The following SLIT3 variants were observed in gnomAD, a reference collection of about 807,000 sequenced individuals.
SLIT3 encodes slit guidance ligand 3.
SLIT3 carries 68 observed loss-of-function variants against 184.0 expected under a neutral mutation model. The ratio of observed to expected loss-of-function variants is 0.37; its 90% CI spans 0.30 to 0.45. SLIT3 has a LOEUF of 0.45. SLIT3 is among the 20% of genes least tolerant of loss of function. The probability of loss-of-function intolerance (pLI) is 1.00; values close to 1 mark genes in which losing one functional copy is unlikely to be tolerated. For missense variants in SLIT3, 1,707 were observed against 2,026.0 expected (o/e 0.84, Z 3.02); for synonymous variants, 831 against 828.6 (o/e 1.00, Z -0.05).
At chr5:169,121,877 A>AT (rs1228630870) in intron 4 of SLIT3, among the ~76,000 whole-genome samples, 2 of 152,324 alleles carry the variant, frequency 1.3e-5, no homozygotes, top group Admixed American at 1.3e-4. Flanking sequence ...GCTGCTGTGA[A>AT]TTCCAGTTTA....
At chr5:169,001,363 G>A (rs1202259635) in intron 4 of SLIT3, among the ~76,000 whole-genome samples, 3 of 152,048 alleles carry the variant, frequency 2.0e-5, no homozygotes, top group Non-Finnish European at 2.9e-5. Context: ...TTCACTTTCT[G>A]CTTGAAATGA....
At chr5:168,927,767 C>G (rs1043142389) in intron 4 of SLIT3, among the ~76,000 whole-genome samples, 2 of 152,222 alleles carry the variant, frequency 1.3e-5, no homozygotes, top group African/African-American at 4.8e-5. Flanking sequence ...CACATATGTC[C>G]TTGACCATTG....
At chr5:168,729,632 A>G (rs1002478024) in intron 20 of SLIT3, among the ~76,000 whole-genome samples, 4 of 152,156 alleles carry the variant, frequency 2.6e-5, no homozygotes, top group African/African-American at 9.6e-5. Context: ...CCTATAGGAA[A>G]TGTTCAATGA....
At chr5:168,921,836 A>C (rs1386341277) in intron 4 of SLIT3, among the ~76,000 whole-genome samples, 1 of 152,334 alleles carries the variant, frequency 6.6e-6, no homozygotes, top group African/African-American at 2.4e-5. Context: ...AATTAGAACA[A>C]AAAGGCTAAC....
intron 3 of SLIT3, among the ~76,000 whole-genome samples, chr5:169,205,478 T>G (rs1446671894): frequency 6.6e-6 from 1 of 152,240 alleles, no homozygotes; most frequent in Non-Finnish European, 1.5e-5. Context: ...AGGATATCCA[T>G]TCAAATGTGT....
chr5:169,064,936 C>T (rs771814038), intron 4 of SLIT3, among the ~76,000 whole-genome samples: 1 of 152,166 alleles, frequency 6.6e-6, no homozygotes, highest in Admixed American at 6.5e-5. Context: ...AACTAGAACC[C>T]AGCCTAATTG....
intron 4 of SLIT3, among the ~76,000 whole-genome samples, chr5:168,968,560 G>A (rs1372891064): frequency 6.6e-6 from 1 of 152,188 alleles, no homozygotes; most frequent in East Asian, 1.9e-4. Context: ...GAAAGCACCT[G>A]TCTTCAAGGA....
chr5:169,217,960 A>G (rs1764500666), intron 3 of SLIT3, among the ~76,000 whole-genome samples: 1 of 152,212 alleles, frequency 6.6e-6, no homozygotes, highest in Non-Finnish European at 1.5e-5. Context: ...AGAAAGCAAG[A>G]CCTTTCACAG....
chr5:168,975,265 C>T (rs1187465296), intron 4 of SLIT3, among the ~76,000 whole-genome samples: 1 of 152,186 alleles, frequency 6.6e-6, no homozygotes, highest in Non-Finnish European at 1.5e-5. Context: ...CCACCGGGCT[C>T]TCCAGAGCAT....
chr5:168,794,149 G>A (rs181858781), intron 10 of SLIT3, among the ~76,000 whole-genome samples: 173 of 152,258 alleles, frequency 1.1e-3, no homozygotes, highest in African/African-American at 3.6e-3. Context: ...CCTCCCACTC[G>A]AGGGAAAGCA....
chr5:169,269,901 ATTCTC>A (rs926364378), intron 1 of SLIT3, among the ~76,000 whole-genome samples: 1 of 152,218 alleles, frequency 6.6e-6, no homozygotes, highest in African/African-American at 2.4e-5. Flanking sequence ...GGAGGAAACA[ATTCTC>A]TTCTCAGTTT....
At chr5:168,868,964 T>C (rs1272834816) in intron 5 of SLIT3, among the ~76,000 whole-genome samples, 3 of 151,954 alleles carry the variant, frequency 2.0e-5, no homozygotes, top group Non-Finnish European at 4.4e-5. Context: ...TGGCCACATA[T>C]CAATGGGACT....
chr5:168,981,821 C>G (rs954822537), intron 4 of SLIT3, among the ~76,000 whole-genome samples: 1 of 152,120 alleles, frequency 6.6e-6, no homozygotes, highest in Non-Finnish European at 1.5e-5. Context: ...ATCTGGTTTC[C>G]CAAGAAACTT....
At chr5:168,695,024 G>A (rs913955789) in intron 28 of SLIT3, among the ~76,000 whole-genome samples, 2 of 152,192 alleles carry the variant, frequency 1.3e-5, no homozygotes, top group Non-Finnish European at 2.9e-5. Context: ...GTGGTGGTAC[G>A]TTCCTACAGT....
At chr5:168,943,642 G>A (rs1176728124) in intron 4 of SLIT3, among the ~76,000 whole-genome samples, 1 of 151,984 alleles carries the variant, frequency 6.6e-6, no homozygotes, top group African/African-American at 2.4e-5. Context: ...ATATGAAAGT[G>A]CTTTGTAAAG....
At chr5:169,276,782 G>T (rs1438175562) in intron 1 of SLIT3, among the ~76,000 whole-genome samples, 2 of 152,180 alleles carry the variant, frequency 1.3e-5, no homozygotes, top group East Asian at 3.8e-4. Flanking sequence ...ACTATAGGCT[G>T]GGCTGTGCGC....
intron 3 of SLIT3, among the ~76,000 whole-genome samples, chr5:169,223,575 C>G (rs992870944): frequency 6.6e-6 from 1 of 152,158 alleles, no homozygotes; most frequent in Non-Finnish European, 1.5e-5. Context: ...CCTGGGTGAT[C>G]TGAGGGTCAG....
At chr5:168,990,862 A>G (rs549253411) in intron 4 of SLIT3, among the ~76,000 whole-genome samples, 3 of 152,332 alleles carry the variant, frequency 2.0e-5, no homozygotes, top group African/African-American at 7.2e-5. Flanking sequence ...TCCTTGGAGA[A>G]TGCCACACGA....
At chr5:168,758,743 C>T (rs1755037955) in intron 16 of SLIT3, among the ~76,000 whole-genome samples, 1 of 152,166 alleles carries the variant, frequency 6.6e-6, no homozygotes, top group South Asian at 2.1e-4. Context: ...AGATGCTGCC[C>T]AGGGCCTAGA....
Sources: allele counts gnomAD v4.1 joint callset (sites outside exome capture counted in the v4.1 genomes callset), GRCh38; gene constraint gnomAD v4.1.1; transcripts MANE v1.5; gene names NCBI Gene and HGNC (gene_info 2026-07-23, HGNC 2026-07-21).